Variants in CLUL1 observed in about 807,000 individuals in gnomAD.
The protein encoded by CLUL1 is clusterin-like protein 1.
CLUL1 carries 43 observed loss-of-function variants against 49.4 expected under a neutral mutation model. The observed-to-expected ratio is 0.87, with a 90% CI of 0.68 to 1.12. The LOEUF (loss-of-function observed/expected upper bound fraction) is 1.12. Among genes scored for constraint, CLUL1 ranks in the 50% most tolerant of loss-of-function variants. The probability of loss-of-function intolerance (pLI) is 0.00; values close to 1 mark genes in which losing one functional copy is unlikely to be tolerated. For synonymous variants in CLUL1, 192 were observed against 184.9 expected, an observed-to-expected ratio of 1.04 and a Z score of -0.31; for missense variants, 486 against 544.4, an observed-to-expected ratio of 0.89 and a Z score of 1.07.
chr18:598,409 T>G (rs1401567706), intron 1 of CLUL1: 1 of 395,298 alleles, frequency 2.5e-6, no homozygotes, highest in Non-Finnish European at 4.5e-6. Flanking sequence ...AGGGTCTGAA[T>G]TTAGACGCTT....
chr18:621,321 G>A lies in CLUL1; in HGVS notation c.255+1960G>A, dbSNP rs114916507. Among the ~76,000 whole-genome samples, 696 of 152,256 alleles carry A rather than the reference G, an allele frequency of 4.6e-3. 6 individuals are homozygous for A. Among genetic ancestry groups the A allele is most frequent in the African/African-American group, 0.016 (660 of 41,550 alleles). Reference sequence around the variant, plus strand: ...TGAGGATCATGGCCTCTGGGAGTCCGTTAAGCAACTGGAGCCGGGTAGTGT... The same window carrying A: ...TGAGGATCATGGCCTCTGGGAGTCCATTAAGCAACTGGAGCCGGGTAGTGT... On this transcript the variant is annotated intron_variant, in intron 4 of 9. Coordinates refer to ENST00000692774, the MANE Select transcript of CLUL1 (RefSeq NM_001393344.1).
chr18:643,458 A>G (rs1366302244), intron 8 of CLUL1, among the ~76,000 whole-genome samples: 2 of 152,214 alleles, frequency 1.3e-5, no homozygotes, highest in African/African-American at 4.8e-5. Flanking sequence ...TAACGAGGAA[A>G]AAGTCTTGTA....
intron 2 of CLUL1, among the ~76,000 whole-genome samples, chr18:607,485 G>A (rs1205318671): frequency 2.0e-5 from 3 of 152,170 alleles, no homozygotes; most frequent in Non-Finnish European, 4.4e-5. Flanking sequence ...CTGGGCTGGA[G>A]TGTAGTGGTG....
intron 1 of CLUL1, among the ~76,000 whole-genome samples, chr18:600,977 C>T (rs1194047661): frequency 6.6e-6 from 1 of 152,180 alleles, no homozygotes; most frequent in African/African-American, 2.4e-5. Flanking sequence ...AAAACCAGGA[C>T]AGTCCCAGGC....
At chr18:615,289 AG>A (rs2073255122) in intron 2 of CLUL1, among the ~76,000 whole-genome samples, 1 of 152,218 alleles carries the variant, frequency 6.6e-6, no homozygotes, top group African/African-American at 2.4e-5. Flanking sequence ...ATATTTTCAA[AG>A]TAATTAGTAC....
At chr18:635,391 A>G (rs1342885339) in intron 7 of CLUL1, among the ~76,000 whole-genome samples, 2 of 152,160 alleles carry the variant, frequency 1.3e-5, no homozygotes, top group Non-Finnish European at 2.9e-5. Context: ...TCAGGCAGTC[A>G]TGCTTGCTCA....
At chr18:613,228 T>A in intron 2 of CLUL1, 1 of 465,126 alleles carries the variant, frequency 2.1e-6, no homozygotes, top group Non-Finnish European at 3.8e-6. Context: ...AACCTCTACC[T>A]CCCAGGTTCA....
At chr18:625,074 C>T (rs1297399422) in intron 5 of CLUL1, 42 bp downstream of exon 5, 14 of 1,573,756 alleles carry the variant, frequency 8.9e-6, no homozygotes, top group Non-Finnish European at 1.2e-5. Flanking sequence ...GTTCTTGAGG[C>T]ACCTATTTCA....
At chr18:611,890 G>A (rs1359541124) in intron 2 of CLUL1, among the ~76,000 whole-genome samples, 2 of 151,978 alleles carry the variant, frequency 1.3e-5, no homozygotes, top group African/African-American at 4.8e-5. Context: ...GCAAAGGCCT[G>A]TGCCAGCCAA....
intron 9 of CLUL1, among the ~76,000 whole-genome samples, chr18:645,692 G>C (rs1315639954): frequency 6.7e-6 from 1 of 148,262 alleles, no homozygotes; most frequent in Non-Finnish European, 1.5e-5. Flanking sequence ...TACTCGGGAG[G>C]CTGAGGCAGG....
At chr18:645,693 C>G (rs1383375456) in intron 9 of CLUL1, among the ~76,000 whole-genome samples, 8 of 147,148 alleles carry the variant, frequency 5.4e-5, no homozygotes, top group Non-Finnish European at 1.2e-4. Context: ...ACTCGGGAGG[C>G]TGAGGCAGGA....
At chr18:642,357 G>A (rs62090089) in intron 8 of CLUL1, among the ~76,000 whole-genome samples, 1,604 of 152,196 alleles carry the variant, frequency 0.011, 15 homozygotes, top group Non-Finnish European at 0.013. Flanking sequence ...ACTTGAACCC[G>A]GAAGGCAGAG....
Position 619,363 on chromosome 18 carries a change from T to C in CLUL1, c.255+2T>C. On this transcript the variant is annotated splice_donor_variant, in intron 4 of 9. Coordinates refer to ENST00000692774, the MANE Select transcript of CLUL1 (RefSeq NM_001393344.1). LOFTEE classifies it high-confidence loss of function. ...AAGAAATGCAGAGAAGAAAAGCAGG[T>C]ACAGTCATTGAAAATAATGTCTGTT... 6.2e-7 allele frequency: 1 copy of C among 1,609,592 alleles called. No individual in the cohort carries two copies. The highest frequency in any genetic ancestry group is 8.5e-7 in the Non-Finnish European group (1 of 1,178,416).
chr18:617,338 T>C (rs2034862), intron 2 of CLUL1, among the ~76,000 whole-genome samples: 4,186 of 152,234 alleles, frequency 0.027, 195 homozygotes, highest in African/African-American at 0.095. Context: ...CTCACGCCTG[T>C]AATCCCAGCA....
chr18:629,726 T>C (rs1439668638), intron 6 of CLUL1, among the ~76,000 whole-genome samples: 1 of 152,224 alleles, frequency 6.6e-6, no homozygotes, highest in African/African-American at 2.4e-5. Context: ...CAAAAAAGTC[T>C]GTGTTACACT....
At chr18:619,999 C>T (rs536208796) in intron 4 of CLUL1, among the ~76,000 whole-genome samples, 12 of 152,214 alleles carry the variant, frequency 7.9e-5, no homozygotes, top group South Asian at 6.2e-4. Context: ...CATGGACCAC[C>T]GTGCCTGGCC....
chr18:630,243 G>T (rs62090086), intron 6 of CLUL1, among the ~76,000 whole-genome samples: 22,429 of 151,970 alleles, frequency 0.15, 2,021 homozygotes, highest in Non-Finnish European at 0.19. Context: ...CGAGTAGCTG[G>T]GATTACAGGC....
intron 7 of CLUL1, among the ~76,000 whole-genome samples, chr18:640,278 T>C (rs978235103): frequency 5.3e-5 from 8 of 151,740 alleles, no homozygotes; most frequent in Non-Finnish European, 1.2e-4. Context: ...GGCATGGTGG[T>C]GTGAGCCTGT....
chr18:613,848 T>C (rs2073214624), intron 2 of CLUL1, among the ~76,000 whole-genome samples: 2 of 152,200 alleles, frequency 1.3e-5, no homozygotes, highest in African/African-American at 4.8e-5. Flanking sequence ...AATAACTAAT[T>C]TGACCTGCTC....
Sources: allele counts gnomAD v4.1 joint callset (sites outside exome capture counted in the v4.1 genomes callset), GRCh38; gene constraint gnomAD v4.1.1; transcripts MANE v1.5; gene names NCBI Gene and HGNC (gene_info 2026-07-23, HGNC 2026-07-21).